The following PODXL2 variants were observed in gnomAD, a reference collection of about 807,000 sequenced individuals.
PODXL2 encodes the protein podocalyxin-like protein 2.
A neutral mutation model predicts 53.4 loss-of-function variants in PODXL2; 17 were observed. The observed-to-expected ratio is 0.32, with a 90% CI of 0.22 to 0.48. The LOEUF is 0.48. PODXL2 is among the 20% of genes least tolerant of loss of function. The pLI is 0.99. For missense variants in PODXL2, 673 were observed against 760.0 expected, an observed-to-expected ratio of 0.89 and a Z score of 1.35; for synonymous variants, 311 against 306.7, an observed-to-expected ratio of 1.01 and a Z score of -0.15.
chr3:127,631,435 G>A (rs1417036323), intron 1 of PODXL2, among the ~76,000 whole-genome samples: 1 of 152,136 alleles, frequency 6.6e-6, no homozygotes, highest in East Asian at 1.9e-4. Flanking sequence ...CCAAATGTCA[G>A]CCTGCTTCCT....
At chr3:127,658,142 T>G (rs185886713) in intron 2 of PODXL2, among the ~76,000 whole-genome samples, 2 of 152,286 alleles carry the variant, frequency 1.3e-5, no homozygotes, top group Admixed American at 6.5e-5. Flanking sequence ...ACTCAAAAAG[T>G]CTAATTAACA....
intron 1 of PODXL2, among the ~76,000 whole-genome samples, chr3:127,638,449 G>A (rs188659700): frequency 1.4e-4 from 22 of 152,160 alleles, no homozygotes; most frequent in Non-Finnish European, 2.4e-4. Flanking sequence ...GCTCAGTGGC[G>A]CACGCCTGTA....
chr3:127,640,916 T>C (rs1013243293), intron 2 of PODXL2, among the ~76,000 whole-genome samples: 29 of 152,288 alleles, frequency 1.9e-4, no homozygotes, highest in African/African-American at 6.5e-4. Flanking sequence ...CATGTTATTA[T>C]TTATTTATTT....
At position 127,649,101 on chromosome 3, in the gene PODXL2, CT is replaced by C. The variant is rs796876785; in HGVS notation, c.349+9589del. Among the ~76,000 whole-genome samples the C allele has an allele frequency of 2.7e-3, 392 of 147,348 alleles. 2 individuals carry two copies. The highest frequency in any genetic ancestry group is 7.1e-3 in the African/African-American group (287 of 40,500). Reference sequence around the variant, plus strand: ...GCCATTGCACCCAGCTCTTTCCAGACTTTTTTTTTTTCCTTTATAGGACATA... The same window carrying C: ...GCCATTGCACCCAGCTCTTTCCAGACTTTTTTTTTTCCTTTATAGGACATA... On this transcript the variant is annotated intron_variant, in intron 2 of 7. Transcript: ENST00000342480.
intron 4 of PODXL2, chr3:127,665,851 G>T: frequency 2.4e-6 from 1 of 423,402 alleles, no homozygotes; most frequent in Non-Finnish European, 4.8e-6. Flanking sequence ...CAGGCTGCAT[G>T]GGACTTTCCT....
At chr3:127,667,409 G>A (rs1203289531) in intron 4 of PODXL2, among the ~76,000 whole-genome samples, 2 of 152,246 alleles carry the variant, frequency 1.3e-5, no homozygotes, top group African/African-American at 4.8e-5. Flanking sequence ...TGAGCACCTG[G>A]GAGAGGGGTA....
chr3:127,648,354 G>C (rs1484130801), intron 2 of PODXL2, among the ~76,000 whole-genome samples: 2 of 152,202 alleles, frequency 1.3e-5, no homozygotes, highest in Non-Finnish European at 2.9e-5. Flanking sequence ...GCTGTAGAAT[G>C]ATTTGACCTT....
At chr3:127,656,538 C>T (rs1479269766) in intron 2 of PODXL2, among the ~76,000 whole-genome samples, 2 of 152,010 alleles carry the variant, frequency 1.3e-5, no homozygotes, top group East Asian at 3.9e-4. Context: ...AGTTCGAGAC[C>T]AGCCTGGCCA....
At position 127,660,652 on chromosome 3, in the gene PODXL2, CA is replaced by C; in HGVS notation, c.625del (p.Thr209ProfsTer45). 7 of 1,614,234 alleles carry C rather than the reference CA, an allele frequency of 4.3e-6. No individual in the cohort carries two copies. Among genetic ancestry groups the C allele is most frequent in the Non-Finnish European group, 5.9e-6 (7 of 1,180,048 alleles). Reference protein sequence around the residue: ...AKPQVRDFSLTSSSQTPGATK... With the variant: ...AKPQVRDFSLXSSSQTPGATK... ...AGCCTCAGGTCCGTGACTTTTCTCT[CA>C]CCAGCAGCAGCCAGACCCCAGGGGC... On this transcript the variant is annotated frameshift_variant, in exon 3 of 8. Coordinates refer to ENST00000342480, the MANE Select transcript of PODXL2 (RefSeq NM_015720.4). LOFTEE classifies it high-confidence loss of function.
chr3:127,652,180 T>C (rs2074693520), intron 2 of PODXL2, among the ~76,000 whole-genome samples: 1 of 152,202 alleles, frequency 6.6e-6, no homozygotes, highest in Non-Finnish European at 1.5e-5. Context: ...GCATCACAAC[T>C]TAGAGCAAGA....
At chr3:127,662,913 T>G (rs1230721871) in intron 4 of PODXL2, among the ~76,000 whole-genome samples, 1 of 152,204 alleles carries the variant, frequency 6.6e-6, no homozygotes, top group Non-Finnish European at 1.5e-5. Flanking sequence ...TGGTTGTCAG[T>G]GTTCTGGGAG....
At position 127,672,412 on chromosome 3, in the gene PODXL2, G is replaced by A; in HGVS notation, c.1750G>A (p.Gly584Arg). 1 of 1,543,004 alleles carries A rather than the reference G, an allele frequency of 6.5e-7. No homozygotes were observed. Among genetic ancestry groups the A allele is most frequent in the South Asian group, 1.2e-5 (1 of 83,984 alleles). ...GGALNGPGSW[G>R]ALMGGKRDPE... Reference sequence around the variant, plus strand: ...GGCCCTCAACGGCCCGGGGAGCTGGGGGGCGCTCATGGGGGGCAAGCGGGA... The same window carrying A: ...GGCCCTCAACGGCCCGGGGAGCTGGAGGGCGCTCATGGGGGGCAAGCGGGA... Residue 584 changes from glycine to arginine, a missense_variant, in exon 8 of 8, where the codon GGG becomes AGG. Physicochemically the swap from Gly to Arg is moderately radical, Grantham distance 125. Transcript: ENST00000342480.
rs541498008 is a variant in PODXL2 at position 127,670,633 on chromosome 3, G to A, written c.1426-801G>A. On this transcript the variant is annotated intron_variant, in intron 6 of 7. Transcript: ENST00000342480. ...GATACACGGGTGGTTCACAGAAACC[G>A]GGGAAGAGCTGCAACCTGAACTCAG... 7.3e-4 allele frequency among the ~76,000 whole-genome samples: 111 copies of A among 152,304 alleles called. 1 individual carries two copies. Among genetic ancestry groups the A allele is most frequent in the Admixed American group, 5.6e-3 (86 of 15,306 alleles).
intron 1 of PODXL2, among the ~76,000 whole-genome samples, chr3:127,635,410 T>A (rs1249024311): frequency 6.6e-6 from 1 of 152,226 alleles, no homozygotes; most frequent in Admixed American, 6.5e-5. Flanking sequence ...TCATGCCTAG[T>A]CCAAATAAGC....
At chr3:127,671,677 C>T (rs574700908) in intron 7 of PODXL2, 64 bp downstream of exon 7, 2 of 1,496,214 alleles carry the variant, frequency 1.3e-6, no homozygotes, top group African/African-American at 1.4e-5. Flanking sequence ...GATAGGTGTC[C>T]TCATCTGCAA....
intron 2 of PODXL2, among the ~76,000 whole-genome samples, chr3:127,654,815 G>A (rs2720241): frequency 0.012 from 1,771 of 152,206 alleles, 46 homozygotes; most frequent in African/African-American, 0.04. Flanking sequence ...GGCCAGGTGC[G>A]GTGGCTTACG....
At position 127,661,528 on chromosome 3, in the gene PODXL2, C is replaced by T. The variant is rs908133480; in HGVS notation, c.1131+369C>T. ...CTCGGTTCACTGCAACCTCCACCGC[C>T]CAGGTTCAAGCAATTCTCATACCTC... On this transcript the variant is annotated intron_variant, in intron 3 of 7. Coordinates refer to ENST00000342480, the MANE Select transcript of PODXL2 (RefSeq NM_015720.4). Among the ~76,000 whole-genome samples, 6 of 151,992 alleles carry T rather than the reference C, an allele frequency of 3.9e-5. No homozygotes were observed. The East Asian group carries it at 9.6e-4, about 24-fold the overall frequency.
At chr3:127,635,139 G>A (rs1192208867) in intron 1 of PODXL2, among the ~76,000 whole-genome samples, 2 of 152,156 alleles carry the variant, frequency 1.3e-5, no homozygotes, top group East Asian at 1.9e-4. Flanking sequence ...CTGAGATCCC[G>A]GTGTTGTTAT....
chr3:127,662,154 A>C lies in PODXL2; in HGVS notation c.1132-83A>C, dbSNP rs1358500011. ...CTGGCCTCCACCTTCCAGCTTCCCA[A>C]AAGGCCTCCGACCGGGGCTCTCTCC... On this transcript the variant is annotated intron_variant, in intron 3 of 7. Transcript: ENST00000342480. 4.9e-6 allele frequency: 6 copies of C among 1,218,170 alleles called. No individual in the cohort carries two copies. In the East Asian group the frequency reaches 1.4e-4, roughly 28 times the overall value. The allele number at this position is 1,218,170 out of a possible 1,614,324, so 75.5% of individuals were successfully genotyped here.
Sources: allele counts gnomAD v4.1 joint callset (sites outside exome capture counted in the v4.1 genomes callset), GRCh38; gene constraint gnomAD v4.1.1; transcripts MANE v1.5; gene names NCBI Gene and HGNC (gene_info 2026-07-23, HGNC 2026-07-21).